Variants in ANKFN1 observed in about 807,000 individuals in gnomAD.
The protein encoded by ANKFN1 is ankyrin repeat and fibronectin type-III domain-containing protein 1.
In ANKFN1, 74 loss-of-function variants were observed where a neutral mutation model predicts 108.7. That is an observed-to-expected ratio of 0.68 (90% confidence interval 0.56 to 0.83). The LOEUF (loss-of-function observed/expected upper bound fraction) is 0.83. ANKFN1 is among the 40% of genes least tolerant of loss of function. The pLI, the probability that ANKFN1 is intolerant of heterozygous loss-of-function variation, is 0.00. For synonymous variants in ANKFN1, 547 were observed against 516.2 expected, an observed-to-expected ratio of 1.06 and a Z score of -0.81; for missense variants, 1,505 against 1,382.3, an observed-to-expected ratio of 1.09 and a Z score of -1.41.
intron 3 of ANKFN1, among the ~76,000 whole-genome samples, chr17:56,314,474 A>C (rs1032118126): frequency 6.6e-6 from 1 of 152,128 alleles, no homozygotes; most frequent in African/African-American, 2.4e-5. Flanking sequence ...TCTCATTTTA[A>C]TTTTATTTTA....
intron 3 of ANKFN1, among the ~76,000 whole-genome samples, chr17:56,265,757 A>G (rs997426737): frequency 6.6e-6 from 1 of 152,214 alleles, no homozygotes; most frequent in Non-Finnish European, 1.5e-5. Flanking sequence ...ACTTTAAATC[A>G]TCTGTAGATT....
intron 2 of ANKFN1, among the ~76,000 whole-genome samples, chr17:56,214,003 G>A (rs1915238010): frequency 6.6e-6 from 1 of 152,174 alleles, no homozygotes; most frequent in Admixed American, 6.5e-5. Flanking sequence ...TTTAAAACTA[G>A]GGTGTCTCTT....
In ANKFN1 at chr17:56,177,210, G is replaced by A. The variant is rs182117227; in HGVS notation, c.-71+23680G>A. On this transcript the variant is annotated intron_variant, in intron 1 of 20. Transcript: ENST00000682825. ...CCATTTGGTTTGGTTTTCCCAAGGG[G>A]GTTCCCATCTAACCACAGGCCTATG... Among the ~76,000 whole-genome samples, 73 of 152,308 alleles carry A rather than the reference G, an allele frequency of 4.8e-4. 1 individual carries two copies. Among genetic ancestry groups the A allele is most frequent in the African/African-American group, 1.7e-3 (69 of 41,568 alleles).
intron 3 of ANKFN1, among the ~76,000 whole-genome samples, chr17:56,254,608 C>T (rs1436612604): frequency 6.6e-6 from 1 of 152,230 alleles, no homozygotes; most frequent in Non-Finnish European, 1.5e-5. Flanking sequence ...CAAGGGTCCT[C>T]TTTCTGATTC....
chr17:56,332,989 A>G (rs1366905423), intron 4 of ANKFN1, among the ~76,000 whole-genome samples: 3 of 151,132 alleles, frequency 2.0e-5, no homozygotes, highest in South Asian at 2.1e-4. Flanking sequence ...GTATATATAT[A>G]TATATATATA....
intron 20 of ANKFN1, among the ~76,000 whole-genome samples, chr17:56,503,298 A>G (rs1188632668): frequency 2.6e-5 from 4 of 152,056 alleles, no homozygotes; most frequent in South Asian, 4.2e-4. Context: ...GTACTATGGC[A>G]TAAAATACAC....
chr17:56,095,988 A>T (rs1191571983), intron 4 of ANKFN1, among the ~76,000 whole-genome samples: 1 of 152,194 alleles, frequency 6.6e-6, no homozygotes, highest in African/African-American at 2.4e-5. Flanking sequence ...TTTATTGGTT[A>T]TATGACCTTG....
chr17:56,272,006 C>T (rs76936384), intron 3 of ANKFN1, among the ~76,000 whole-genome samples: 2,197 of 152,140 alleles, frequency 0.014, 45 homozygotes, highest in African/African-American at 0.049. Context: ...AGACTACAGT[C>T]GCAAACATTC....
chr17:56,074,813 G>A (rs1463729731), intron 4 of ANKFN1, among the ~76,000 whole-genome samples: 3 of 152,150 alleles, frequency 2.0e-5, no homozygotes, highest in African/African-American at 4.8e-5. Flanking sequence ...TATTGGCAAA[G>A]CGTACCCAAG....
chr17:56,404,625 A>G (rs2047863119), intron 8 of ANKFN1, among the ~76,000 whole-genome samples: 1 of 152,100 alleles, frequency 6.6e-6, no homozygotes, highest in East Asian at 1.9e-4. Context: ...CTCTCCGATT[A>G]GCTTAATAAC....
At chr17:56,112,131 G>T (rs1905999283) in intron 4 of ANKFN1, among the ~76,000 whole-genome samples, 1 of 152,172 alleles carries the variant, frequency 6.6e-6, no homozygotes, top group South Asian at 2.1e-4. Context: ...TAGGGCCATT[G>T]CTATTATGAT....
intron 4 of ANKFN1, among the ~76,000 whole-genome samples, chr17:56,082,756 C>T (rs1905263661): frequency 6.6e-6 from 1 of 152,196 alleles, no homozygotes; most frequent in African/African-American, 2.4e-5. Context: ...GGTGAGACAA[C>T]ACAATGACTT....
At chr17:56,300,276 A>C (rs1285460270) in intron 3 of ANKFN1, among the ~76,000 whole-genome samples, 6 of 152,220 alleles carry the variant, frequency 3.9e-5, no homozygotes, top group Non-Finnish European at 8.8e-5. Flanking sequence ...TTCCAATCAC[A>C]CAGGACTCTA....
Position 56,482,541 on chromosome 17 carries a change from C to T in ANKFN1, c.2260+17C>T. The T allele has an allele frequency of 6.2e-7, 1 of 1,607,794 alleles. No homozygotes were observed. ...TTGAACTTGGTATAGTAGCTTGTTT[C>T]ACCTAGAAATATTAACCCAGCCTCC... is the stretch of plus-strand genomic sequence containing the variant. On this transcript the variant is annotated intron_variant, in intron 18 of 20. Coordinates refer to ENST00000682825, the MANE Select transcript of ANKFN1 (RefSeq NM_001370326.1).
chr17:56,159,245 G>C (rs971814358), intron 1 of ANKFN1, among the ~76,000 whole-genome samples: 4 of 152,178 alleles, frequency 2.6e-5, no homozygotes, highest in Admixed American at 1.3e-4. Flanking sequence ...GCGACATTTT[G>C]TTTTGTGTTT....
chr17:56,427,801 C>T (rs1435796756), intron 8 of ANKFN1, among the ~76,000 whole-genome samples: 1 of 152,126 alleles, frequency 6.6e-6, no homozygotes, highest in Non-Finnish European at 1.5e-5. Flanking sequence ...ATAAGAGAGA[C>T]AGGAGTTTGA....
intron 4 of ANKFN1, among the ~76,000 whole-genome samples, chr17:56,128,460 T>C (rs1392839193): frequency 6.6e-6 from 1 of 152,184 alleles, no homozygotes; most frequent in Non-Finnish European, 1.5e-5. Context: ...TCACTTGGGA[T>C]TGAATGTTCT....
chr17:56,259,163 C>T (rs2043437783), intron 3 of ANKFN1, among the ~76,000 whole-genome samples: 1 of 152,094 alleles, frequency 6.6e-6, no homozygotes, highest in Admixed American at 6.5e-5. Context: ...GGCCTAAAAT[C>T]ATCAGCTATT....
At chr17:56,445,996 T>C (rs1178366175) in intron 10 of ANKFN1, among the ~76,000 whole-genome samples, 1 of 152,182 alleles carries the variant, frequency 6.6e-6, no homozygotes. Flanking sequence ...ATATTTTCAA[T>C]TTTCTCCCTC....
Sources: gnomAD v4.1 joint callset for allele counts (sites outside exome capture counted in the v4.1 genomes callset) on GRCh38, gnomAD v4.1.1 for gene constraint, MANE v1.5 for transcripts, NCBI Gene and HGNC (gene_info 2026-07-23, HGNC 2026-07-21) for gene names.